ROBO1: variants seen among roughly 807,000 people sequenced by gnomAD.
ROBO1 encodes roundabout guidance receptor 1, also known as roundabout homolog 1.
Under a neutral mutation model 195.9 loss-of-function variants are expected in ROBO1, and 149 were observed. The ratio of observed to expected loss-of-function variants is 0.76; its 90% CI spans 0.67 to 0.87. ROBO1 has a LOEUF of 0.87. ROBO1 is among the 40% of genes least tolerant of loss of function. The probability of loss-of-function intolerance (pLI) is 0.00; values close to 1 mark genes in which losing one functional copy is unlikely to be tolerated. For synonymous variants in ROBO1, 816 were observed against 733.2 expected, an observed-to-expected ratio of 1.11 and a Z score of -1.82; for missense variants, 1,933 against 2,068.3, an observed-to-expected ratio of 0.93 and a Z score of 1.27.
intron 3 of ROBO1, among the ~76,000 whole-genome samples, chr3:79,002,077 A>G (rs140080231): frequency 1.2e-4 from 19 of 152,260 alleles, no homozygotes; most frequent in South Asian, 4.1e-4. Context: ...CCACACAGTG[A>G]CAAGAGACTA....
At chr3:78,623,734 A>G (rs962822356) in intron 26 of ROBO1, among the ~76,000 whole-genome samples, 1 of 152,182 alleles carries the variant, frequency 6.6e-6, no homozygotes, top group African/African-American at 2.4e-5. Context: ...CGGAACTAGG[A>G]AAGTGCATTT....
intron 1 of ROBO1, among the ~76,000 whole-genome samples, chr3:79,656,643 C>T (rs1410234162): frequency 6.6e-6 from 1 of 151,676 alleles, no homozygotes; most frequent in Admixed American, 6.6e-5. Flanking sequence ...ATCTATAATC[C>T]CAGCACTTTG....
chr3:79,143,841 CCA>C (rs202050077), intron 2 of ROBO1, among the ~76,000 whole-genome samples: 1,530 of 151,966 alleles, frequency 0.01, 24 homozygotes, highest in African/African-American at 0.033. Context: ...TTTCATGGTC[CCA>C]CACACTTTCC....
At chr3:79,618,999 C>A (rs958269217) in intron 1 of ROBO1, among the ~76,000 whole-genome samples, 1 of 99,126 alleles carries the variant, frequency 1.0e-5, no homozygotes, top group African/African-American at 4.4e-5. Flanking sequence ...GATCATCATG[C>A]GGACACCTGC....
intron 3 of ROBO1, among the ~76,000 whole-genome samples, chr3:78,963,667 G>A (rs1220818599): frequency 1.3e-5 from 2 of 151,360 alleles, no homozygotes; most frequent in Admixed American, 6.6e-5. Context: ...TTCAGGCGCC[G>A]CCACCACGCC....
intron 4 of ROBO1, among the ~76,000 whole-genome samples, chr3:78,863,578 C>A (rs1487680510): frequency 6.6e-6 from 1 of 152,176 alleles, no homozygotes; most frequent in African/African-American, 2.4e-5. Flanking sequence ...CTCTCAGAAA[C>A]TGCAGGACTA....
At chr3:78,685,616 C>T in intron 10 of ROBO1, 130 bp downstream of exon 10, 1 of 546,640 alleles carries the variant, frequency 1.8e-6, no homozygotes, top group African/African-American at 1.9e-5. Context: ...ATTCTATCAA[C>T]ACCCTTTTAG....
At chr3:79,614,323 A>T in intron 1 of ROBO1, among the ~76,000 whole-genome samples, 1 of 152,146 alleles carries the variant, frequency 6.6e-6, no homozygotes, top group East Asian at 1.9e-4. Flanking sequence ...TGCATGGGAA[A>T]TTCCCAAATG....
intron 4 of ROBO1, among the ~76,000 whole-genome samples, chr3:78,917,115 T>TTTG (rs2038650374): frequency 6.7e-6 from 1 of 149,878 alleles, no homozygotes; most frequent in African/African-American, 2.4e-5. Flanking sequence ...TTTTTTTTTT[T>TTTG]GAGATGGAGT....
chr3:79,661,257 C>T (rs1336685667), intron 1 of ROBO1, among the ~76,000 whole-genome samples: 1 of 152,044 alleles, frequency 6.6e-6, no homozygotes, highest in South Asian at 2.1e-4. Context: ...AATCAAATGA[C>T]TGATTGATGC....
chr3:79,736,462 T>A (rs1237965282), intron 1 of ROBO1, among the ~76,000 whole-genome samples: 2 of 152,182 alleles, frequency 1.3e-5, no homozygotes, highest in African/African-American at 4.8e-5. Flanking sequence ...GAGAATTGAC[T>A]ATGGTGGGGA....
At chr3:78,628,640 T>C (rs894219022) in intron 25 of ROBO1, among the ~76,000 whole-genome samples, 14 of 152,222 alleles carry the variant, frequency 9.2e-5, no homozygotes, top group Non-Finnish European at 1.6e-4. Flanking sequence ...CTCAGGAAAG[T>C]TGATGCTCAA....
At chr3:79,749,659 T>C (rs1576316276) in intron 1 of ROBO1, among the ~76,000 whole-genome samples, 3 of 152,080 alleles carry the variant, frequency 2.0e-5, no homozygotes, top group Non-Finnish European at 4.4e-5. Context: ...AAAGGGAGCT[T>C]GGCCCATGGC....
intron 3 of ROBO1, among the ~76,000 whole-genome samples, chr3:78,995,837 T>C (rs1488047158): frequency 6.6e-6 from 1 of 151,088 alleles, no homozygotes; most frequent in East Asian, 2.0e-4. Context: ...TTCAAGCCCC[T>C]AAATTAGAGA....
chr3:78,957,351 GTCTC>G (rs560311081), intron 3 of ROBO1, among the ~76,000 whole-genome samples: 3 of 148,790 alleles, frequency 2.0e-5, no homozygotes, highest in Non-Finnish European at 4.4e-5. Flanking sequence ...AGTGGTACCT[GTCTC>G]TCTCTCTCTC....
intron 8 of ROBO1, chr3:78,693,201 G>T: frequency 9.6e-7 from 1 of 1,044,550 alleles, no homozygotes. Context: ...ACTTTATTCT[G>T]TGCAGTCTGT....
At chr3:79,192,478 C>T (rs2081557231) in intron 2 of ROBO1, among the ~76,000 whole-genome samples, 1 of 151,576 alleles carries the variant, frequency 6.6e-6, no homozygotes, top group African/African-American at 2.4e-5. Context: ...AAGAATTCAT[C>T]AGAAAAGTCT....
At chr3:78,899,879 G>A (rs770003467) in intron 4 of ROBO1, among the ~76,000 whole-genome samples, 2 of 152,144 alleles carry the variant, frequency 1.3e-5, no homozygotes, top group African/African-American at 4.8e-5. Context: ...TTGGAACTTA[G>A]ACAATAAAAT....
Position 78,631,216 on chromosome 3 carries a change from C to T in ROBO1, c.3571G>A (p.Ala1191Thr), listed in dbSNP as rs1376730119. 1.2e-6 allele frequency: 2 copies of T among 1,613,086 alleles called. No homozygotes were observed. Among genetic ancestry groups the T allele is most frequent in the South Asian group, 2.2e-5 (2 of 90,978 alleles). The change falls in exon 25 of 31, where the codon GCA becomes ACA. Residue 1191 changes from alanine (A) to threonine (T), a missense_variant. Around this residue, in one of 3 missense-constraint regions of ROBO1, gnomAD observed 1,737 missense variants for 1,882.5 expected, o/e 0.92. Coordinates refer to ENST00000464233, the MANE Select transcript of ROBO1 (RefSeq NM_002941.4). ...CTATTGCTGTGTGGAGGAGGATGTG[C>T]TGGGGGAGGAGGAAGCAGGTCTGCC... ...NWADLLPPPP[A>T]HPPPHSNSEE...
Sources: allele counts gnomAD v4.1 joint callset (sites outside exome capture counted in the v4.1 genomes callset), GRCh38; gene constraint gnomAD v4.1.1; regional missense constraint gnomAD v4.1.1; transcripts MANE v1.5; gene names NCBI Gene and HGNC (gene_info 2026-07-23, HGNC 2026-07-21).